The following APBB3 variants were observed in gnomAD, a reference collection of about 807,000 sequenced individuals.
The protein encoded by APBB3 is amyloid-beta A4 precursor protein-binding family B member 3.
Under a neutral mutation model 61.5 loss-of-function variants are expected in APBB3, and 50 were observed. That is an observed-to-expected ratio of 0.81 (90% CI 0.65 to 1.03). APBB3 has a LOEUF of 1.03. Among genes scored for constraint, APBB3 ranks in the 50% least tolerant of loss-of-function variants. The pLI is 0.00. For missense variants in APBB3, 550 were observed against 637.4 expected (o/e 0.86, Z 1.48); for synonymous variants, 235 against 233.0 (o/e 1.01, Z -0.08).
At position 140,560,282 on chromosome 5, in the gene APBB3, T is replaced by TACC; in HGVS notation, c.1224+30_1224+31insGGT. The TACC allele has an allele frequency of 2.5e-6, 4 of 1,596,702 alleles. No homozygotes were observed. The African/African-American group carries it at 5.4e-5, about 22-fold the overall frequency. On this transcript the variant is annotated intron_variant, in intron 12 of 12. Transcript: ENST00000357560. The surrounding 1 kb of genome is among the most constrained non-coding windows in gnomAD (Gnocchi z 5.1). ...ACAGTGGAGAGCAGCTGCAGGGCAA[T>TACC]CCCACCAACCCATTCCCACCCATGA...
rs2127135093 is a variant in APBB3, at chr5:140,563,903, C to T, written c.62G>A (p.Gly21Glu). ...AGCCTCCACCTCCAGACTGTGGTCC[C>T]CCCACAAGTCATCTACAGGAACACC... The part of the protein sequence containing the change: ...ILVNCDDDLW[G>E]DHSLEVEAGL... Residue 21 changes from glycine (G) to glutamate (E), a missense_variant, in exon 2 of 13, where the codon GGG (glycine) becomes GAG (glutamate). Transcript: ENST00000357560. 1 of 1,613,682 alleles carries T rather than the reference C, an allele frequency of 6.2e-7. No individual in the cohort carries two copies. Among genetic ancestry groups the T allele is most frequent in the Non-Finnish European group, 8.5e-7 (1 of 1,179,910 alleles).
At chr5:140,562,074 T>C (rs1561872662) in intron 6 of APBB3, 26 bp downstream of exon 6, 2 of 1,613,124 alleles carry the variant, frequency 1.2e-6, no homozygotes, top group Non-Finnish European at 1.7e-6. Flanking sequence ...AAGTAGCTCT[T>C]GCTTGGGGGA....
Position 140,563,857 on chromosome 5 carries a change from C to T in APBB3, c.108G>A (p.Arg36=), listed in dbSNP as rs143243751. 1.7e-5 allele frequency: 28 copies of T among 1,614,174 alleles called. No homozygotes were observed. In the African/African-American group the frequency reaches 2.4e-4, roughly 14 times the overall value. ...AAGTACCTGCAGCATCGTGGATCTTCCTCCAGCCAGGAGGCAGGCCAGCCT... is the reference window on the plus strand; with the variant it reads ...AAGTACCTGCAGCATCGTGGATCTTTCTCCAGCCAGGAGGCAGGCCAGCCT... The part of the protein sequence containing the change: ...EVEAGLPPGW[R]KIHDAAGTYY... Residue 36 remains arginine, a synonymous_variant, in exon 2 of 13, where the codon AGG becomes AGA. Transcript: ENST00000357560.
chr5:140,563,726 A>T, intron 2 of APBB3, 26 bp downstream of exon 2: 1 of 1,614,064 alleles, frequency 6.2e-7, no homozygotes, highest in South Asian at 1.1e-5. Flanking sequence ...ACATGGGCTC[A>T]GACCTCCTCC....
At chr5:140,563,513 G>A in intron 3 of APBB3, 81 bp downstream of exon 3, 1 of 1,540,678 alleles carries the variant, frequency 6.5e-7, no homozygotes, top group East Asian at 2.2e-5. Context: ...AACCTGGGCT[G>A]GAAAGCAGAC....
chr5:140,561,158 C>A (rs1176764026), intron 9 of APBB3, 57 bp from the exon 10 acceptor site: 1 of 1,595,540 alleles, frequency 6.3e-7, no homozygotes. Flanking sequence ...TTTTCCCCAC[C>A]CTTCTCAATG....
chr5:140,564,582 C>T lies in APBB3; in HGVS notation c.-337G>A. The T allele has an allele frequency of 4.2e-6, 2 of 472,726 alleles. No homozygotes were observed. The highest frequency in any genetic ancestry group is 3.8e-5 in the Admixed American group (1 of 26,410). The allele number at this position is 472,726 out of a possible 1,614,324, so 29.3% of individuals were successfully genotyped here. A position where few individuals can be genotyped will look rare whatever the true frequency, so the allele number is the denominator to read the frequency against. On this transcript the variant is annotated 5_prime_UTR_variant, in exon 1 of 13. Coordinates refer to ENST00000357560, the MANE Select transcript of APBB3 (RefSeq NM_133173.3). The surrounding 1 kb of genome is among the most constrained non-coding windows in gnomAD (Gnocchi z 5.0). ...ATGAACTCATCAGGCGCCTGAAGAC[C>T]GACACGCCGAACATGCGCCGCGCGC...
Position 140,560,814 on chromosome 5 carries a change from T to A in APBB3, c.917-60A>T. 1 of 1,502,386 alleles carries A rather than the reference T, an allele frequency of 6.7e-7. No homozygotes were observed. Among genetic ancestry groups the A allele is most frequent in the Non-Finnish European group, 9.2e-7 (1 of 1,082,102 alleles). The allele number at this position is 1,502,386 out of a possible 1,614,324, so 93.1% of individuals were successfully genotyped here. On this transcript the variant is annotated intron_variant, in intron 10 of 12. Coordinates refer to ENST00000357560, the MANE Select transcript of APBB3 (RefSeq NM_133173.3). This position sits in a 1 kb window ranked among gnomAD's most constrained non-coding sequence, Gnocchi z 5.1. ...AAAGAAAGAGTCTGCAGGGAGTGTC[T>A]AGCCCCCTCTCACTGATTTGGGATT...
rs376716350 is a variant in APBB3, at chr5:140,561,876, G to A, written c.627-27C>T. 1.4e-4 allele frequency: 230 copies of A among 1,613,470 alleles called. 1 individual carries two copies. Among genetic ancestry groups the A allele is most frequent in the Non-Finnish European group, 1.8e-4 (210 of 1,179,954 alleles). On this transcript the variant is annotated intron_variant, in intron 6 of 12. Coordinates refer to ENST00000357560, the MANE Select transcript of APBB3 (RefSeq NM_133173.3). ...TGTTCCGGAAGCATGTGGGAGCACA[G>A]AAGGGAATCAGCCCAGCCTCTCGGA...
chr5:140,560,482 T>C lies in APBB3; in HGVS notation c.1055A>G (p.Glu352Gly). The change falls in exon 12 of 13, where the codon GAG (glutamate) becomes GGG (glycine). Residue 352 changes from glutamate to glycine, a missense_variant. By Grantham distance (98) the Glu-to-Gly change is moderately conservative (BLOSUM62 -2). Around this residue, in one of 3 missense-constraint regions of APBB3, gnomAD observed 405 missense variants for 483.4 expected, o/e 0.84. Transcript: ENST00000357560. This position sits in a 1 kb window ranked among gnomAD's most constrained non-coding sequence, Gnocchi z 5.1. The part of the protein sequence containing the change: ...PIQAEASTEE[E>G]PLWQCPVRLV... Reference sequence around the variant, plus strand: ...GCGCACAGGGCACTGCCACAATGGCTCCTCCTCTGTACTGGCCTCTGCCTG... The same window carrying C: ...GCGCACAGGGCACTGCCACAATGGCCCCTCCTCTGTACTGGCCTCTGCCTG... 6.2e-7 allele frequency: 1 copy of C among 1,613,820 alleles called. No homozygotes were observed. The highest frequency in any genetic ancestry group is 1.1e-5 in the South Asian group (1 of 91,050).
chr5:140,559,534 TTC>T (rs1754853424), intron 12 of APBB3, among the ~76,000 whole-genome samples: 1 of 152,210 alleles, frequency 6.6e-6, no homozygotes, highest in Non-Finnish European at 1.5e-5. Context: ...GCTTCTGTCA[TTC>T]TCTCTGATCT....
chr5:140,562,694 G>A lies in APBB3; in HGVS notation c.320C>T (p.Ser107Phe), dbSNP rs1199366499. Residue 107 changes from serine (S) to phenylalanine (F), a missense_variant, in exon 4 of 13, where the codon TCC becomes TTC. Physicochemically the swap from Ser to Phe is radical, Grantham distance 155. Coordinates refer to ENST00000357560, the MANE Select transcript of APBB3 (RefSeq NM_133173.3). ...CCCTGGCTCCATGCTCTGGATGTAG[G>A]ATTCCCCACCATACCAGGACAGAGA... ...SNSLSWYGGE[S>F]YIQSMEPGAK... 10 of 1,614,098 alleles carry A rather than the reference G, an allele frequency of 6.2e-6. No individual in the cohort carries two copies. The highest frequency in any genetic ancestry group is 3.3e-5 in the Admixed American group (2 of 60,010).
At chr5:140,559,536 C>T (rs1754853533) in intron 12 of APBB3, among the ~76,000 whole-genome samples, 1 of 152,210 alleles carries the variant, frequency 6.6e-6, no homozygotes, top group Non-Finnish European at 1.5e-5. Flanking sequence ...TTCTGTCATT[C>T]TCTCTGATCT....
At chr5:140,562,764 C>A in intron 3 of APBB3, 41 bp from the exon 4 acceptor site, 4 of 1,604,118 alleles carry the variant, frequency 2.5e-6, no homozygotes, top group Non-Finnish European at 3.4e-6. Context: ...ACATTTCCTA[C>A]AGTAGGGACA....
Position 140,558,480 on chromosome 5 carries a change from G to A in APBB3, c.*105C>T. On this transcript the variant is annotated 3_prime_UTR_variant, in exon 13 of 13. Coordinates refer to ENST00000357560, the MANE Select transcript of APBB3 (RefSeq NM_133173.3). ...CGGTGGACAAGGATCGGAGGGACAG[G>A]CAGAGAAGGCTTCAAGGAGTGACAG... 1 of 1,091,698 alleles carries A rather than the reference G, an allele frequency of 9.2e-7. No homozygotes were observed. The highest frequency in any genetic ancestry group is 1.4e-6 in the Non-Finnish European group (1 of 707,804). The allele number at this position is 1,091,698 out of a possible 1,614,324, so 67.6% of individuals were successfully genotyped here. A position where few individuals can be genotyped will look rare whatever the true frequency, so the allele number is the denominator to read the frequency against.
rs1754900040 is a variant in APBB3 at position 140,560,501 on chromosome 5, C to T, written c.1036G>A (p.Glu346Lys). 1.9e-6 allele frequency: 3 copies of T among 1,613,022 alleles called. No homozygotes were observed. The highest frequency in any genetic ancestry group is 2.5e-6 in the Non-Finnish European group (3 of 1,179,346). ...SLMTAHPIQA[E>K]ASTEEEPLWQ... Reference sequence around the variant, plus strand: ...AATGGCTCCTCCTCTGTACTGGCCTCTGCCTGCCCACACCAGGCCTAGTCA... The same window carrying T: ...AATGGCTCCTCCTCTGTACTGGCCTTTGCCTGCCCACACCAGGCCTAGTCA... The change falls in exon 12 of 13, where the codon GAG becomes AAG. Residue 346 changes from glutamate to lysine, a missense_variant. Transcript: ENST00000357560. The surrounding 1 kb of genome is among the most constrained non-coding windows in gnomAD (Gnocchi z 5.1).
In APBB3 at chr5:140,560,214, G is replaced by T; in HGVS notation, c.1224+99C>A. On this transcript the variant is annotated intron_variant, in intron 12 of 12. Transcript: ENST00000357560. This position sits in a 1 kb window ranked among gnomAD's most constrained non-coding sequence, Gnocchi z 5.1. ...CATTAATGAACCAGAATCAGCCCAG[G>T]TTTGTGATCTCTGAAGAGGCTGCCG... 1 of 1,364,812 alleles carries T rather than the reference G, an allele frequency of 7.3e-7. No homozygotes were observed. Among genetic ancestry groups the T allele is most frequent in the Non-Finnish European group, 1.0e-6 (1 of 994,356 alleles). The allele number at this position is 1,364,812 out of a possible 1,614,324, so 84.5% of individuals were successfully genotyped here.
At position 140,560,867 on chromosome 5, in the gene APBB3, C is replaced by A; in HGVS notation, c.917-113G>T. On this transcript the variant is annotated intron_variant, in intron 10 of 12. Coordinates refer to ENST00000357560, the MANE Select transcript of APBB3 (RefSeq NM_133173.3). This position sits in a 1 kb window ranked among gnomAD's most constrained non-coding sequence, Gnocchi z 5.1. ...GAGATAGGGAATAGGATAGCTGGGG[C>A]AAGCCTTAGAATTCTGATTTGGGAA... 1 of 1,382,508 alleles carries A rather than the reference C, an allele frequency of 7.2e-7. No homozygotes were observed. 85.6% of individuals were successfully genotyped at this position (1,382,508 alleles called of 1,614,324 possible). A position where few individuals can be genotyped will look rare whatever the true frequency, so the allele number is the denominator to read the frequency against.
In APBB3 at chr5:140,564,063, A is replaced by G; in HGVS notation, c.49+134T>C. The G allele has an allele frequency of 1.4e-6, 2 of 1,469,616 alleles. No homozygotes were observed. Among genetic ancestry groups the G allele is most frequent in the Non-Finnish European group, 9.3e-7 (1 of 1,079,142 alleles). 91.0% of individuals were successfully genotyped at this position (1,469,616 alleles called of 1,614,324 possible). A position where few individuals can be genotyped will look rare whatever the true frequency, so the allele number is the denominator to read the frequency against. ...TCAATCTTGAAGACATCACATGTAA[A>G]GACCGGGTTCATTCGCCCCCTGGTC... is the stretch of plus-strand genomic sequence containing the variant. On this transcript the variant is annotated intron_variant, in intron 1 of 12. Coordinates refer to ENST00000357560, the MANE Select transcript of APBB3 (RefSeq NM_133173.3). This position sits in a 1 kb window ranked among gnomAD's most constrained non-coding sequence, Gnocchi z 5.0.
Sources: gnomAD v4.1 joint callset for allele counts (sites outside exome capture counted in the v4.1 genomes callset) on GRCh38, gnomAD v4.1.1 for gene constraint, gnomAD v4.1.1 regional missense constraint, Gnocchi (gnomAD v3.1) non-coding constraint, MANE v1.5 for transcripts, NCBI Gene and HGNC (gene_info 2026-07-23, HGNC 2026-07-21) for gene names.